The following KAT6A variants were observed in gnomAD, a reference collection of about 807,000 sequenced individuals.
The protein encoded by KAT6A is histone acetyltransferase KAT6A.
KAT6A carries 9 observed loss-of-function variants against 198.4 expected under a neutral mutation model. The ratio of observed to expected loss-of-function variants is 0.05; its 90% CI spans 0.03 to 0.08. The LOEUF is 0.08. Among genes scored for constraint, KAT6A ranks in the 10% least tolerant of loss-of-function variants. The probability of loss-of-function intolerance (pLI) is 1.00; values close to 1 mark genes in which losing one functional copy is unlikely to be tolerated. For synonymous variants in KAT6A, 890 were observed against 883.0 expected, an observed-to-expected ratio of 1.01 and a Z score of -0.14; for missense variants, 2,077 against 2,509.9, an observed-to-expected ratio of 0.83 and a Z score of 3.69.
At chr8:41,997,375 C>A (rs1293488955) in intron 2 of KAT6A, among the ~76,000 whole-genome samples, 1 of 151,312 alleles carries the variant, frequency 6.6e-6, no homozygotes, top group Non-Finnish European at 1.5e-5. Flanking sequence ...ATCTGGTATG[C>A]AGTAAACAGA....
intron 2 of KAT6A, among the ~76,000 whole-genome samples, chr8:42,025,777 ATTGT>A (rs1826784757): frequency 6.6e-6 from 1 of 151,886 alleles, no homozygotes; most frequent in South Asian, 2.1e-4. Context: ...CCATTTGTCT[ATTGT>A]TTGTTTTTGT....
At chr8:41,937,589 G>A (rs372432735) in intron 15 of KAT6A, 21 bp from the exon 16 acceptor site, 52 of 1,569,402 alleles carry the variant, frequency 3.3e-5, no homozygotes, top group Non-Finnish European at 4.4e-5. Context: ...GAGAAAGCAA[G>A]TATTTACAGT....
At chr8:42,013,762 C>T (rs969703335) in intron 2 of KAT6A, among the ~76,000 whole-genome samples, 5 of 152,140 alleles carry the variant, frequency 3.3e-5, no homozygotes, top group African/African-American at 1.2e-4. Flanking sequence ...ACTCCACTGA[C>T]TGCAGATTTA....
intron 8 of KAT6A, among the ~76,000 whole-genome samples, chr8:41,969,172 T>C (rs1443268851): frequency 2.0e-5 from 3 of 152,226 alleles, no homozygotes; most frequent in Non-Finnish European, 4.4e-5. Context: ...CTTTATCATG[T>C]CTTTTGCTGA....
Position 41,937,571 on chromosome 8 carries a change from G to A in KAT6A, c.3040-3C>T. 6.3e-7 allele frequency: 1 copy of A among 1,596,998 alleles called. No homozygotes were observed. The highest frequency in any genetic ancestry group is 8.5e-7 in the Non-Finnish European group (1 of 1,171,426). On this transcript the variant is annotated splice_region_variant and splice_polypyrimidine_tract_variant and intron_variant, in intron 15 of 16. Transcript: ENST00000265713. ...CTCCTTCGGTGGAGAAATGGTTTCT[G>A]TTTAATAGAGAAAGCAAGTATTTAC...
Position 41,943,922 on chromosome 8 carries a change from T to A in KAT6A, c.2054A>T (p.Asp685Val), listed in dbSNP as rs757763828. Residue 685 changes from aspartate (D) to valine (V), a missense_variant, in exon 13 of 17, where the codon GAT becomes GTT. By Grantham distance (152) the Asp-to-Val change is radical. Transcript: ENST00000265713. ...TGCCATGTAGGAAAGACGACCCAGA[T>A]CAGATAACGGTTTCTCTGGAGACCC... ...QAGSPEKPLS[D>V]LGRLSYMAYW... 6.2e-7 allele frequency: 1 copy of A among 1,613,988 alleles called. No individual in the cohort carries two copies. The highest frequency in any genetic ancestry group is 8.5e-7 in the Non-Finnish European group (1 of 1,179,998).
At chr8:42,026,810 G>A (rs536374617) in intron 2 of KAT6A, among the ~76,000 whole-genome samples, 2 of 152,146 alleles carry the variant, frequency 1.3e-5, no homozygotes, top group Admixed American at 6.5e-5. Context: ...CGCTGAATAC[G>A]AGTTGTGAGA....
intron 2 of KAT6A, among the ~76,000 whole-genome samples, chr8:42,033,039 C>T (rs1168627389): frequency 1.3e-5 from 2 of 151,842 alleles, no homozygotes; most frequent in African/African-American, 2.4e-5. Flanking sequence ...CCACCACACT[C>T]GGCTAATTTT....
intron 8 of KAT6A, among the ~76,000 whole-genome samples, chr8:41,966,242 G>C (rs758221611): frequency 6.6e-6 from 1 of 151,966 alleles, no homozygotes; most frequent in Non-Finnish European, 1.5e-5. Flanking sequence ...CCTCCAGCTG[G>C]AATTATTTAT....
intron 2 of KAT6A, among the ~76,000 whole-genome samples, chr8:42,017,705 C>G (rs1330634841): frequency 6.6e-6 from 1 of 152,040 alleles, no homozygotes; most frequent in Non-Finnish European, 1.5e-5. Flanking sequence ...CAAGGAAGCC[C>G]GAACCTTGTC....
intron 15 of KAT6A, among the ~76,000 whole-genome samples, chr8:41,937,980 T>C (rs1821934615): frequency 6.6e-6 from 1 of 152,212 alleles, no homozygotes; most frequent in Admixed American, 6.5e-5. Flanking sequence ...TGCAGAACTA[T>C]CAGTAAAGTT....
chr8:42,022,314 G>A (rs1460018826), intron 2 of KAT6A, among the ~76,000 whole-genome samples: 1 of 151,784 alleles, frequency 6.6e-6, no homozygotes, highest in Non-Finnish European at 1.5e-5. Flanking sequence ...AATTTATCAG[G>A]TCACTGCTTT....
chr8:41,930,032 TTC>T lies in KAT6A; in HGVS notation c.*2171_*2172del, dbSNP rs982886678. ...TACCAATATTACTGTGTTGGATAAT[TTC>T]TTTTATAATATAGAAAAGAACTTTT... On this transcript the variant is annotated 3_prime_UTR_variant, in exon 17 of 17. Coordinates refer to ENST00000265713, the MANE Select transcript of KAT6A (RefSeq NM_006766.5). The T allele has an allele frequency of 2.2e-5, 5 of 226,048 alleles. No homozygotes were observed. Among genetic ancestry groups the T allele is most frequent in the African/African-American group, 8.9e-5 (4 of 44,938 alleles). 14.0% of individuals were successfully genotyped at this position (226,048 alleles called of 1,614,324 possible).
At position 42,044,052 on chromosome 8, in the gene KAT6A, C is replaced by T. The variant is rs370167175; in HGVS notation, c.600+4326G>A. Among the ~76,000 whole-genome samples the T allele has an allele frequency of 2.0e-5, 3 of 151,824 alleles. No homozygotes were observed. In the East Asian group the frequency reaches 5.8e-4, roughly 29 times the overall value. ...TAAATAAACTCACCATTAACTACCACACTCTAAAGTTAGCTCAAAAATTTC... is the reference window on the plus strand; with the variant it reads ...TAAATAAACTCACCATTAACTACCATACTCTAAAGTTAGCTCAAAAATTTC... On this transcript the variant is annotated intron_variant, in intron 2 of 16. Transcript: ENST00000265713.
chr8:42,042,872 G>C (rs1329326221), intron 2 of KAT6A, among the ~76,000 whole-genome samples: 1 of 152,172 alleles, frequency 6.6e-6, no homozygotes, highest in Non-Finnish European at 1.5e-5. Flanking sequence ...TTATGTCAGT[G>C]TGTAAAAATG....
chr8:42,024,316 ATTT>A (rs1416421653), intron 2 of KAT6A, among the ~76,000 whole-genome samples: 1 of 152,122 alleles, frequency 6.6e-6, no homozygotes, highest in Non-Finnish European at 1.5e-5. Flanking sequence ...CACTGTAATA[ATTT>A]TTAATATATT....
chr8:41,998,556 G>C (rs1422294140), intron 2 of KAT6A, among the ~76,000 whole-genome samples: 3 of 152,088 alleles, frequency 2.0e-5, no homozygotes, highest in Non-Finnish European at 4.4e-5. Context: ...TGATATCCTA[G>C]GTGAGCAGAT....
At chr8:42,045,765 G>GA (rs1802233903) in intron 2 of KAT6A, among the ~76,000 whole-genome samples, 1 of 148,534 alleles carries the variant, frequency 6.7e-6, no homozygotes, top group African/African-American at 2.5e-5. Context: ...TTGAGGTCAG[G>GA]AGTTGAGACC....
chr8:42,033,655 C>G lies in KAT6A; in HGVS notation c.600+14723G>C, dbSNP rs565353419. On this transcript the variant is annotated intron_variant, in intron 2 of 16. Transcript: ENST00000265713. ...ACTTCCCTGACTTTTTCCACCCCCT[C>G]CTCTGTGTTTCCACAGTGCTCTATT... Among the ~76,000 whole-genome samples, 14 of 152,262 alleles carry G rather than the reference C, an allele frequency of 9.2e-5. No individual in the cohort carries two copies. The East Asian group carries it at 2.7e-3, about 29-fold the overall frequency.
Sources: gnomAD v4.1 joint callset for allele counts (sites outside exome capture counted in the v4.1 genomes callset) on GRCh38, gnomAD v4.1.1 for gene constraint, MANE v1.5 for transcripts, NCBI Gene and HGNC (gene_info 2026-07-23, HGNC 2026-07-21) for gene names.